The following CACNA1E variants were observed in gnomAD, a reference collection of about 807,000 sequenced individuals.
The protein encoded by CACNA1E is calcium voltage-gated channel subunit alpha1 E.
In CACNA1E, 40 loss-of-function variants were observed where a neutral mutation model predicts 259.2. The observed-to-expected ratio is 0.15, with a 90% CI of 0.12 to 0.20. The LOEUF is 0.20. Ranked by LOEUF, CACNA1E falls within the 10% of genes least tolerant of loss-of-function variation. The probability of loss-of-function intolerance (pLI) is 1.00; values close to 1 mark genes in which losing one functional copy is unlikely to be tolerated. For missense variants in CACNA1E, 1,874 were observed against 3,040.1 expected (o/e 0.62, Z 9.02); for synonymous variants, 1,104 against 1,138.5 (o/e 0.97, Z 0.61).
At chr1:181,324,255 GA>G (rs1324601361) in intron 1 of CACNA1E, among the ~76,000 whole-genome samples, 2 of 151,926 alleles carry the variant, frequency 1.3e-5, no homozygotes, top group Admixed American at 6.6e-5. Flanking sequence ...AGTAGATTTA[GA>G]AAAAAAATCA....
chr1:181,410,260 C>T (rs1244719335), intron 1 of CACNA1E, among the ~76,000 whole-genome samples: 1 of 152,210 alleles, frequency 6.6e-6, no homozygotes, highest in East Asian at 1.9e-4. Context: ...TTTCTAGGGA[C>T]CCACCCAGCT....
At chr1:181,745,292 C>CATA (rs1288175605) in intron 25 of CACNA1E, 1 of 441,680 alleles carries the variant, frequency 2.3e-6, no homozygotes, top group Non-Finnish European at 4.4e-6. Flanking sequence ...ACTTTGAGAC[C>CATA]TTTATCTTAT....
Position 181,736,405 on chromosome 1 carries a change from C to T in CACNA1E, c.3393C>T (p.Ser1131=). 1 of 1,612,798 alleles carries T rather than the reference C, an allele frequency of 6.2e-7. No individual in the cohort carries two copies. Among genetic ancestry groups the T allele is most frequent in the Non-Finnish European group, 8.5e-7 (1 of 1,179,400 alleles). The change falls in exon 22 of 48, where the codon AGC becomes AGT. Residue 1131 remains serine (S), a synonymous_variant. Coordinates refer to ENST00000367573, the MANE Select transcript of CACNA1E (RefSeq NM_001205293.3). ...CAGGCAAAGCCATGGTGCCCCACAG[C>T]TCAATGTTCATCTTCAGCACCACCA... ...RETGKAMVPH[S]SMFIFSTTNP...
chr1:181,736,328 G>A lies in CACNA1E; in HGVS notation c.3316G>A (p.Glu1106Lys). Residue 1106 changes from glutamate to lysine, a missense_variant, in exon 22 of 48, where the codon GAG becomes AAG. Glu to Lys is a moderately conservative substitution (Grantham distance 56). Coordinates refer to ENST00000367573, the MANE Select transcript of CACNA1E (RefSeq NM_001205293.3). ...TCCCTTGAAGGAGGCAGAGATCAGA[G>A]AGGATGAGGAGGAGGTGGAGAAGAA... ...ASPLKEAEIR[E>K]DEEEVEKKKQ... 6.2e-7 allele frequency: 1 copy of A among 1,605,944 alleles called. No individual in the cohort carries two copies. The highest frequency in any genetic ancestry group is 1.1e-5 in the South Asian group (1 of 89,226).
At chr1:181,411,335 C>T (rs903021659) in intron 1 of CACNA1E, among the ~76,000 whole-genome samples, 4 of 152,128 alleles carry the variant, frequency 2.6e-5, no homozygotes, top group Non-Finnish European at 5.9e-5. Flanking sequence ...TTGGGCAGGT[C>T]CATGAGGCGT....
chr1:181,358,879 A>G (rs1653650465), intron 1 of CACNA1E, among the ~76,000 whole-genome samples: 1 of 152,182 alleles, frequency 6.6e-6, no homozygotes, highest in Non-Finnish European at 1.5e-5. Context: ...CTCACTTATG[A>G]CATTTCCTTA....
At chr1:181,375,748 T>TG (rs1425204417) in intron 1 of CACNA1E, among the ~76,000 whole-genome samples, 1 of 152,110 alleles carries the variant, frequency 6.6e-6, no homozygotes, top group Non-Finnish European at 1.5e-5. Context: ...CCCTCCTCCG[T>TG]GAGGGATTTA....
Position 181,565,688 on chromosome 1 carries a change from G to A in CACNA1E, c.513-12078G>A, listed in dbSNP as rs1369489154. Among the ~76,000 whole-genome samples, 6 of 152,212 alleles carry A rather than the reference G, an allele frequency of 3.9e-5. No individual in the cohort carries two copies. The East Asian group carries it at 1.2e-3, about 29-fold the overall frequency. On this transcript the variant is annotated intron_variant, in intron 3 of 47. Coordinates refer to ENST00000367573, the MANE Select transcript of CACNA1E (RefSeq NM_001205293.3). ...GGGACTGGTAGTAAAAACAATAGGTGTACATTCTTTGTGGGCAGTGCTGGA... is the reference window on the plus strand; with the variant it reads ...GGGACTGGTAGTAAAAACAATAGGTATACATTCTTTGTGGGCAGTGCTGGA...
intron 6 of CACNA1E, among the ~76,000 whole-genome samples, chr1:181,647,949 C>T (rs1658436364): frequency 6.6e-6 from 1 of 152,188 alleles, no homozygotes; most frequent in Non-Finnish European, 1.5e-5. Context: ...CCTACAGGAG[C>T]TGTCAAGCTG....
chr1:181,319,851 A>C (rs1557907142), intron 1 of CACNA1E, among the ~76,000 whole-genome samples: 2 of 152,196 alleles, frequency 1.3e-5, no homozygotes, highest in Non-Finnish European at 2.9e-5. Context: ...TCAGATTTCT[A>C]ATGGGCTTTA....
intron 7 of CACNA1E, among the ~76,000 whole-genome samples, chr1:181,699,023 T>C (rs1267775207): frequency 6.6e-6 from 1 of 152,186 alleles, no homozygotes; most frequent in African/African-American, 2.4e-5. Context: ...AAAGTTCATA[T>C]AGAGTGTCAA....
chr1:181,607,619 G>C (rs1291807494), intron 6 of CACNA1E, among the ~76,000 whole-genome samples: 1 of 152,082 alleles, frequency 6.6e-6, no homozygotes, highest in African/African-American at 2.4e-5. Context: ...GATTATTAAT[G>C]GTAATAATAC....
chr1:181,738,947 TG>T (rs1231564160), intron 24 of CACNA1E, among the ~76,000 whole-genome samples, 199 bp from the exon 25 acceptor site: 1 of 152,196 alleles, frequency 6.6e-6, no homozygotes, highest in Non-Finnish European at 1.5e-5. Context: ...TAGTGAACCC[TG>T]GGTGACTATG....
chr1:181,717,365 G>A (rs1653995346), intron 11 of CACNA1E, 63 bp downstream of exon 11: 2 of 1,385,332 alleles, frequency 1.4e-6, no homozygotes, highest in East Asian at 2.3e-5. Context: ...CTTGATGTGT[G>A]TGTGAACGCA....
chr1:181,321,186 G>T (rs1450166277), intron 1 of CACNA1E, among the ~76,000 whole-genome samples: 3 of 152,110 alleles, frequency 2.0e-5, no homozygotes, highest in African/African-American at 7.2e-5. Flanking sequence ...CAGCCCCCAT[G>T]ACCCAAACAC....
chr1:181,624,438 C>G (rs916626742), intron 6 of CACNA1E, among the ~76,000 whole-genome samples: 1 of 152,356 alleles, frequency 6.6e-6, no homozygotes, highest in Middle Eastern at 3.4e-3. Flanking sequence ...TCAATCCTCT[C>G]AAACCCTGCT....
rs770758448 is a variant in CACNA1E at position 181,720,335 on chromosome 1, C to A, written c.1881C>A (p.Gly627=). Residue 627 remains glycine, a splice_region_variant and synonymous_variant, in exon 14 of 48, where the codon GGC becomes GGA. Transcript: ENST00000367573. Reference sequence around the variant, plus strand: ...TCCTAGGAATGCAGTTATTTGGAGGCAGGTAAGTGCCCAGAAGCTTTCCAT... The same window carrying A: ...TCCTAGGAATGCAGTTATTTGGAGGAAGGTAAGTGCCCAGAAGCTTTCCAT... ...FALLGMQLFG[G]RFNFNDGTPS... 6.2e-7 allele frequency: 1 copy of A among 1,612,352 alleles called. No individual in the cohort carries two copies. The highest frequency in any genetic ancestry group is 1.3e-5 in the African/African-American group (1 of 75,024).
intron 34 of CACNA1E, among the ~76,000 whole-genome samples, chr1:181,764,408 TTTC>T (rs772649100): frequency 6.6e-6 from 1 of 152,216 alleles, no homozygotes; most frequent in Admixed American, 6.5e-5. Context: ...CCAAATTGAC[TTTC>T]TTATTTTAAT....
intron 1 of CACNA1E, among the ~76,000 whole-genome samples, chr1:181,489,648 C>T (rs1237965076): frequency 1.3e-5 from 2 of 152,198 alleles, no homozygotes; most frequent in African/African-American, 4.8e-5. Context: ...GTGGAAGGTA[C>T]GTGTCACTCT....
Sources: gnomAD v4.1 joint callset for allele counts (sites outside exome capture counted in the v4.1 genomes callset) on GRCh38, gnomAD v4.1.1 for gene constraint, MANE v1.5 for transcripts, NCBI Gene and HGNC (gene_info 2026-07-23, HGNC 2026-07-21) for gene names.